Variants in CCDC3 observed in about 807,000 individuals in gnomAD.
CCDC3 encodes the protein coiled-coil domain-containing protein 3.
A neutral mutation model predicts 21.4 loss-of-function variants in CCDC3; 24 were observed. The ratio of observed to expected loss-of-function variants is 1.12; its 90% CI spans 0.81 to 1.58. The LOEUF (loss-of-function observed/expected upper bound fraction) is 1.58, where lower values mean the gene tolerates loss of function less well. Among genes scored for constraint, CCDC3 ranks in the 40% most tolerant of loss-of-function variants. The pLI, the probability that CCDC3 is intolerant of heterozygous loss-of-function variation, is 0.00. For missense variants in CCDC3, 425 were observed against 360.9 expected (o/e 1.18, Z -1.44); for synonymous variants, 186 against 166.0 (o/e 1.12, Z -0.93).
intron 2 of CCDC3, among the ~76,000 whole-genome samples, chr10:12,918,348 C>G (rs1564283240): frequency 1.3e-5 from 2 of 152,128 alleles, no homozygotes; most frequent in African/African-American, 2.4e-5. Flanking sequence ...TAGTATGAAA[C>G]CTTTGCAGTT....
Position 13,066,764 on chromosome 10 carries a change from G to A in CCDC3, c.-270+7104C>T, listed in dbSNP as rs1009325831. On this transcript the variant is annotated intron_variant, in intron 4 of 6. Transcript: ENST00000378839. ...CTGGGGGAACGGGGTGGAGCCACAG[G>A]CAGCGGGAGGAGCCTGGCTCTTCAG... Among the ~76,000 whole-genome samples, 66 of 152,218 alleles carry A rather than the reference G, an allele frequency of 4.3e-4. 1 individual carries two copies. Among genetic ancestry groups the A allele is most frequent in the African/African-American group, 1.3e-3 (54 of 41,462 alleles).
intron 4 of CCDC3, among the ~76,000 whole-genome samples, chr10:13,056,148 A>C (rs58437535): frequency 0.043 from 6,485 of 152,280 alleles, 496 homozygotes; most frequent in African/African-American, 0.15. Flanking sequence ...AGCCCAACGT[A>C]GATCCAAGTC....
intron 2 of CCDC3, among the ~76,000 whole-genome samples, chr10:12,943,280 C>A (rs1002388101): frequency 1.4e-4 from 21 of 152,114 alleles, no homozygotes; most frequent in Non-Finnish European, 7.3e-5. Context: ...AAGCACCCCC[C>A]CGCAAACGAC....
intron 2 of CCDC3, among the ~76,000 whole-genome samples, chr10:12,935,667 C>CATTTTT (rs1268581755): frequency 2.8e-5 from 4 of 144,816 alleles, no homozygotes; most frequent in Non-Finnish European, 6.0e-5. Context: ...AATCCAAGTA[C>CATTTTT]ATTTTTTTTT....
intron 2 of CCDC3, among the ~76,000 whole-genome samples, chr10:12,991,302 G>GT (rs933425187): frequency 1.1e-4 from 15 of 140,874 alleles, no homozygotes; most frequent in Non-Finnish European, 1.5e-4. Context: ...TTGAACATAT[G>GT]TTTTTTTTGT....
At chr10:13,068,382 T>G (rs1276778311) in intron 4 of CCDC3, among the ~76,000 whole-genome samples, 2 of 152,112 alleles carry the variant, frequency 1.3e-5, no homozygotes, top group Non-Finnish European at 2.9e-5. Flanking sequence ...CTTCATTGAC[T>G]TAAAAGAGGA....
At chr10:12,954,462 G>A (rs189528050) in intron 2 of CCDC3, among the ~76,000 whole-genome samples, 1 of 152,192 alleles carries the variant, frequency 6.6e-6, no homozygotes, top group South Asian at 2.1e-4. Context: ...AAAGAAAAGA[G>A]GTTTATTTGG....
intron 3 of CCDC3, among the ~76,000 whole-genome samples, chr10:13,083,066 C>T (rs752871126): frequency 1.2e-4 from 18 of 152,224 alleles, no homozygotes; most frequent in Admixed American, 7.9e-4. Flanking sequence ...ATTTCTCCAA[C>T]GACAAGGGGA....
chr10:12,973,644 C>T (rs1275462003), intron 2 of CCDC3, among the ~76,000 whole-genome samples: 2 of 152,210 alleles, frequency 1.3e-5, no homozygotes, highest in Non-Finnish European at 2.9e-5. Flanking sequence ...TCACTGTACT[C>T]GTTACCCAAC....
chr10:12,979,453 C>T (rs1342880989), intron 2 of CCDC3, among the ~76,000 whole-genome samples: 4 of 151,976 alleles, frequency 2.6e-5, no homozygotes, highest in African/African-American at 4.8e-5. Context: ...AGTGCAGTGG[C>T]ATGATCACAG....
intron 3 of CCDC3, among the ~76,000 whole-genome samples, chr10:13,095,690 G>A (rs1032003547): frequency 3.3e-5 from 5 of 152,176 alleles, no homozygotes; most frequent in Non-Finnish European, 7.3e-5. Flanking sequence ...ACCACCCGGG[G>A]TTTGGGGACC....
In CCDC3 at chr10:13,001,230, A is replaced by C. The variant is rs775862668; in HGVS notation, c.341T>G (p.Val114Gly). Reference sequence around the variant, plus strand: ...GAAGAAATAGGAGTAGTCCTGGACCACGGTGTGGGAGTGGCACGAGAAGTA... The same window carrying C: ...GAAGAAATAGGAGTAGTCCTGGACCCCGGTGTGGGAGTGGCACGAGAAGTA... ...LGYFSCHSHT[V>G]VQDYSYFFFL... Residue 114 changes from valine (V) to glycine (G), a missense_variant, in exon 1 of 3, where the codon GTG (valine) becomes GGG (glycine). By Grantham distance (109) the Val-to-Gly change is moderately radical (BLOSUM62 -3). Transcript: ENST00000378825. The C allele has an allele frequency of 4.1e-5, 65 of 1,574,518 alleles. No individual in the cohort carries two copies. Among genetic ancestry groups the C allele is most frequent in the Non-Finnish European group, 5.4e-5 (63 of 1,160,500 alleles).
intron 2 of CCDC3, among the ~76,000 whole-genome samples, chr10:12,923,753 T>A (rs1181898032): frequency 6.6e-6 from 1 of 152,226 alleles, no homozygotes; most frequent in Non-Finnish European, 1.5e-5. Context: ...CCGACCCGTC[T>A]CCATGCCTGG....
rs1194587322 is a variant in CCDC3 at position 13,015,065 on chromosome 10, C to T, written c.-1-16553G>A. The stretch of plus-strand genomic sequence containing the variant: ...ACATATTTTTAAACATTCTAAAAGG[C>T]ATGCATGTGATATAACGTTAAGTGA... On this transcript the variant is annotated intron_variant, in intron 5 of 6. Transcript: ENST00000378839. Among the ~76,000 whole-genome samples the T allele has an allele frequency of 2.6e-5, 4 of 152,108 alleles. No homozygotes were observed. The East Asian group carries it at 7.7e-4, about 29-fold the overall frequency.
At chr10:12,919,931 T>C (rs1310324489) in intron 2 of CCDC3, among the ~76,000 whole-genome samples, 1 of 151,988 alleles carries the variant, frequency 6.6e-6, no homozygotes, top group Non-Finnish European at 1.5e-5. Context: ...TGGAGCCTGA[T>C]CATGAGTGGA....
At chr10:12,995,882 C>T (rs1835754840) in intron 2 of CCDC3, among the ~76,000 whole-genome samples, 1 of 152,142 alleles carries the variant, frequency 6.6e-6, no homozygotes, top group Non-Finnish European at 1.5e-5. Flanking sequence ...CTTTGTTTTT[C>T]CCAAATGATG....
At chr10:12,964,703 G>T (rs1361771748) in intron 2 of CCDC3, among the ~76,000 whole-genome samples, 5 of 152,118 alleles carry the variant, frequency 3.3e-5, no homozygotes, top group Admixed American at 2.6e-4. Flanking sequence ...TGTAGCCAAA[G>T]GCATCCTTAA....
At chr10:12,939,663 A>G (rs1028794593) in intron 2 of CCDC3, among the ~76,000 whole-genome samples, 1 of 150,084 alleles carries the variant, frequency 6.7e-6, no homozygotes, top group Non-Finnish European at 1.5e-5. Flanking sequence ...GGGAAAGCGG[A>G]TCAATTCTGT....
At chr10:13,020,597 A>C (rs1836132217) in intron 5 of CCDC3, among the ~76,000 whole-genome samples, 1 of 152,192 alleles carries the variant, frequency 6.6e-6, no homozygotes, top group African/African-American at 2.4e-5. Context: ...TCCATACATA[A>C]TGGATCATTC....
Sources: allele counts gnomAD v4.1 joint callset (sites outside exome capture counted in the v4.1 genomes callset), GRCh38; gene constraint gnomAD v4.1.1; transcripts MANE v1.5; gene names NCBI Gene and HGNC (gene_info 2026-07-23, HGNC 2026-07-21).